The following NME9 variants were observed in gnomAD, a reference collection of about 807,000 sequenced individuals.
The protein encoded by NME9 is thioredoxin domain-containing protein 6.
NME9 carries 48 observed loss-of-function variants against 44.4 expected under a neutral mutation model. That is an observed-to-expected ratio of 1.08 (90% CI 0.86 to 1.37). The LOEUF is 1.37. NME9 is among the 40% of genes most tolerant of loss of function. The probability of loss-of-function intolerance (pLI) is 0.00; values close to 1 mark genes in which losing one functional copy is unlikely to be tolerated. For synonymous variants in NME9, 139 were observed against 147.1 expected (o/e 0.94, Z 0.40); for missense variants, 325 against 405.2 (o/e 0.80, Z 1.70).
intron 10 of NME9, 50 bp from the exon 11 acceptor site, chr3:138,301,754 G>T: frequency 7.1e-7 from 1 of 1,414,156 alleles, no homozygotes; most frequent in South Asian, 1.2e-5. Flanking sequence ...CCCTGTCCCA[G>T]ACCTTCTGTC....
At chr3:138,279,197 T>A (rs1209901273) in intron 8 of NME9, among the ~76,000 whole-genome samples, 1 of 152,204 alleles carries the variant, frequency 6.6e-6, no homozygotes, top group Non-Finnish European at 1.5e-5. Context: ...ATCTTCTAGT[T>A]TGTTGAGTTT....
chr3:138,296,423 A>G (rs1290413832), downstream of NME9: 1 of 152,254 alleles, frequency 6.6e-6, no homozygotes, highest in Non-Finnish European at 1.5e-5. Context: ...TGTTATTTTA[A>G]AAACAAAACA....
chr3:138,329,222 T>C, intron 1 of NME9, 81 bp downstream of exon 1: 1 of 1,259,972 alleles, frequency 7.9e-7, no homozygotes, highest in South Asian at 1.3e-5. Flanking sequence ...ATGTCACTTT[T>C]ATACTGCAAC....
At chr3:138,303,832 T>C (rs1278848953) in intron 9 of NME9, among the ~76,000 whole-genome samples, 189 bp from the exon 10 acceptor site, 1 of 152,186 alleles carries the variant, frequency 6.6e-6, no homozygotes, top group Non-Finnish European at 1.5e-5. Flanking sequence ...CATGGCAGTG[T>C]GCTGGGCACA....
At chr3:138,305,919 T>G (rs1049558946) in intron 8 of NME9, 85 bp downstream of exon 8, 62 of 932,644 alleles carry the variant, frequency 6.6e-5, no homozygotes, top group Non-Finnish European at 1.0e-4. Context: ...ATTTCTTCTG[T>G]CACAAACTGA....
intron 8 of NME9, among the ~76,000 whole-genome samples, chr3:138,277,761 C>T (rs111296301): frequency 3.9e-4 from 59 of 152,272 alleles, no homozygotes; most frequent in Admixed American, 8.5e-4. Flanking sequence ...ACGTGCCATA[C>T]GACCCAGCAA....
chr3:138,328,845 G>T (rs758326484), intron 1 of NME9, among the ~76,000 whole-genome samples: 14 of 152,170 alleles, frequency 9.2e-5, no homozygotes, highest in Non-Finnish European at 1.6e-4. Flanking sequence ...AATTTGATGA[G>T]AACAGTGGTG....
Position 138,264,073 on chromosome 3 carries a change from T to C in NME9, c.746-1487A>G. On this transcript the variant is annotated intron_variant, in intron 8 of 8. Transcript: ENST00000317876. ...AGTCATTGTAAAATGCCAGCCAGTT[T>C]GTTTGAAAAGTAAAAGTTTTGATTT... The C allele has an allele frequency of 2.7e-6, 4 of 1,495,240 alleles. No individual in the cohort carries two copies. The South Asian group carries it at 4.6e-5, about 17-fold the overall frequency. 92.6% of individuals were successfully genotyped at this position (1,495,240 alleles called of 1,614,324 possible).
chr3:138,310,742 TC>T (rs2108442528), intron 6 of NME9, among the ~76,000 whole-genome samples: 1 of 152,150 alleles, frequency 6.6e-6, no homozygotes, highest in East Asian at 1.9e-4. Flanking sequence ...ACATCCAAAA[TC>T]TACAGGATAC....
At chr3:138,313,157 A>T (rs1481503358) in intron 6 of NME9, among the ~76,000 whole-genome samples, 1 of 152,104 alleles carries the variant, frequency 6.6e-6, no homozygotes, top group East Asian at 1.9e-4. Context: ...TTGGGAGGCC[A>T]AGGCGGGTGG....
chr3:138,323,680 G>A (rs1560133723), intron 2 of NME9, among the ~76,000 whole-genome samples: 1 of 152,224 alleles, frequency 6.6e-6, no homozygotes, highest in South Asian at 2.1e-4. Context: ...CATCTGGCTT[G>A]AATGGGCTTG....
chr3:138,296,107 G>GTT, downstream of NME9: 7 of 470,766 alleles, frequency 1.5e-5, no homozygotes, highest in East Asian at 3.6e-5. Context: ...TTTTGTTTTG[G>GTT]TTTTTTTTTC....
intron 6 of NME9, 67 bp downstream of exon 6, chr3:138,314,265 A>G: frequency 1.1e-6 from 1 of 924,884 alleles, no homozygotes; most frequent in South Asian, 1.5e-5. Flanking sequence ...ATACTCATCT[A>G]TTTTAAACAT....
intron 8 of NME9, among the ~76,000 whole-genome samples, chr3:138,269,233 A>T (rs1576889656): frequency 6.6e-6 from 1 of 152,254 alleles, no homozygotes; most frequent in East Asian, 1.9e-4. Flanking sequence ...AGAAATGTAT[A>T]CCCCTTTTTC....
downstream of NME9, chr3:138,297,823 A>AT (rs1406564507): frequency 6.6e-6 from 1 of 152,242 alleles, no homozygotes; most frequent in Non-Finnish European, 1.5e-5. Context: ...CTTGGTTGGC[A>AT]TTTTTAACAC....
chr3:138,276,912 A>C (rs1386050821), intron 8 of NME9, among the ~76,000 whole-genome samples: 1 of 152,234 alleles, frequency 6.6e-6, no homozygotes, highest in Non-Finnish European at 1.5e-5. Flanking sequence ...GTGCCTTTAC[A>C]TATAGATTTT....
chr3:138,315,630 A>C lies in NME9; in HGVS notation c.281T>G (p.Val94Gly). Residue 94 changes from valine (V) to glycine (G), a missense_variant, in exon 5 of 11, where the codon GTG becomes GGG. By Grantham distance (109) the Val-to-Gly change is moderately radical (BLOSUM62 -3). Coordinates refer to ENST00000333911, the MANE Select transcript of NME9 (RefSeq NM_001349018.2). ...GGCATTTGCTCCTCTAACCACAGCC[A>C]CCAGTTCTCCTCCCTAGAATACGTT... Reference protein sequence around the residue: ...TFLFYAGGELVAVVRGANAPL... With the variant: ...TFLFYAGGELGAVVRGANAPL... 2 of 1,536,234 alleles carry C rather than the reference A, an allele frequency of 1.3e-6. No individual in the cohort carries two copies. Among genetic ancestry groups the C allele is most frequent in the Non-Finnish European group, 1.7e-6 (2 of 1,146,580 alleles).
chr3:138,269,552 CT>C (rs1486531758), intron 8 of NME9, among the ~76,000 whole-genome samples: 7 of 152,286 alleles, frequency 4.6e-5, no homozygotes, highest in Middle Eastern at 3.4e-3. Context: ...AGACTGACAG[CT>C]TGGAAGGAGG....
In NME9 at chr3:138,309,494, G is replaced by A. The variant is rs2052538888; in HGVS notation, c.461-3014C>T. ...GAGGCTAGGAGATCAAGACCAACCT[G>A]GCCAACATGGTGAAACCCTGTCTCT... On this transcript the variant is annotated intron_variant, in intron 6 of 10. Transcript: ENST00000333911. Among the ~76,000 whole-genome samples the A allele has an allele frequency of 2.0e-5, 3 of 151,938 alleles. No individual in the cohort carries two copies. The South Asian group carries it at 6.2e-4, about 31-fold the overall frequency.
Sources: gnomAD v4.1 joint callset for allele counts (sites outside exome capture counted in the v4.1 genomes callset) on GRCh38, gnomAD v4.1.1 for gene constraint, MANE v1.5 for transcripts, NCBI Gene and HGNC (gene_info 2026-07-23, HGNC 2026-07-21) for gene names.